The following SHPK variants were observed in gnomAD, a reference collection of about 807,000 sequenced individuals.
The protein encoded by SHPK is carbohydrate kinase-like protein.
Under a neutral mutation model 46.3 loss-of-function variants are expected in SHPK, and 51 were observed. That is an observed-to-expected ratio of 1.10 (90% CI 0.88 to 1.39). The LOEUF is 1.39. Among genes scored for constraint, SHPK ranks in the 40% most tolerant of loss-of-function variants. SHPK has a pLI of 0.00. For synonymous variants in SHPK, 290 were observed against 273.9 expected, an observed-to-expected ratio of 1.06 and a Z score of -0.58; for missense variants, 668 against 641.3, an observed-to-expected ratio of 1.04 and a Z score of -0.45.
intron 6 of SHPK, among the ~76,000 whole-genome samples, chr17:3,611,759 G>A (rs1036851385): frequency 6.7e-6 from 1 of 148,618 alleles, no homozygotes; most frequent in African/African-American, 2.5e-5. Context: ...CCAGAATCCC[G>A]ATCGGACTTT....
intron 5 of SHPK, among the ~76,000 whole-genome samples, chr17:3,617,880 C>T (rs1396806372): frequency 1.3e-5 from 2 of 152,212 alleles, no homozygotes; most frequent in African/African-American, 4.8e-5. Context: ...TTAACCAGAT[C>T]TGCTTTTTAA....
At chr17:3,632,973 T>TG (rs2075482147) in intron 1 of SHPK, among the ~76,000 whole-genome samples, 1 of 29,092 alleles carries the variant, frequency 3.4e-5, no homozygotes, top group African/African-American at 6.2e-5. Flanking sequence ...AGATATTACT[T>TG]TTTTTTTTTT....
chr17:3,623,788 C>T (rs1338529314), intron 3 of SHPK, among the ~76,000 whole-genome samples: 1 of 152,196 alleles, frequency 6.6e-6, no homozygotes, highest in African/African-American at 2.4e-5. Context: ...GCGAACTCTC[C>T]CCGTGACCCT....
intron 2 of SHPK, among the ~76,000 whole-genome samples, chr17:3,628,079 TC>T (rs2075448604): frequency 6.6e-6 from 1 of 151,840 alleles, no homozygotes; most frequent in Admixed American, 6.6e-5. Flanking sequence ...CAAATGCCAG[TC>T]CCACTGACAG....
chr17:3,612,040 G>A (rs893271984), intron 6 of SHPK, among the ~76,000 whole-genome samples: 1 of 151,468 alleles, frequency 6.6e-6, no homozygotes, highest in Non-Finnish European at 1.5e-5. Flanking sequence ...TCGACCTCAA[G>A]TGATCTACCT....
Position 3,623,525 on chromosome 17 carries a change from T to C in SHPK, c.495-34A>G, listed in dbSNP as rs144486865. 48 of 1,610,206 alleles carry C rather than the reference T, an allele frequency of 3.0e-5. No homozygotes were observed. The African/African-American group carries it at 6.1e-4, about 21-fold the overall frequency. On this transcript the variant is annotated intron_variant, in intron 3 of 6. Transcript: ENST00000225519. Reference sequence around the variant, plus strand: ...CATACCAAAAACAACCAACACGGTATAACATGAACTCGGAAGCATGTGCCG... The same window carrying C: ...CATACCAAAAACAACCAACACGGTACAACATGAACTCGGAAGCATGTGCCG...
At chr17:3,623,981 C>A (rs1403067421) in intron 3 of SHPK, 67 bp downstream of exon 3, 2 of 1,460,978 alleles carry the variant, frequency 1.4e-6, no homozygotes, top group Non-Finnish European at 9.4e-7. Flanking sequence ...GTGATGCTGA[C>A]GCAGCCCCGG....
intron 2 of SHPK, among the ~76,000 whole-genome samples, chr17:3,625,507 C>T (rs971616054): frequency 4.6e-5 from 7 of 152,160 alleles, no homozygotes; most frequent in Admixed American, 2.0e-4. Flanking sequence ...GCCGGCAGAC[C>T]GTTTCCAGGT....
At chr17:3,615,597 C>T in intron 5 of SHPK, 60 bp from the exon 6 acceptor site, 2 of 1,487,234 alleles carry the variant, frequency 1.3e-6, no homozygotes, top group Non-Finnish European at 1.9e-6. Flanking sequence ...TCACAAGTCA[C>T]AGTTTGGCAG....
chr17:3,623,469 C>T lies in SHPK; in HGVS notation c.517G>A (p.Asp173Asn), dbSNP rs770066616. The T allele has an allele frequency of 1.5e-5, 25 of 1,614,004 alleles. No individual in the cohort carries two copies. Among genetic ancestry groups the T allele is most frequent in the African/African-American group, 8.0e-5 (6 of 74,914 alleles). ...KYRPEFLKSY[D>N]AAGTIHDYVV... is the part of the protein sequence containing the mutation. ...TAGTCGTGGATGGTACCGGCTGCGTCGTAGGACTTCAGGAACTCTGGGCTG... is the reference window on the plus strand; with the variant it reads ...TAGTCGTGGATGGTACCGGCTGCGTTGTAGGACTTCAGGAACTCTGGGCTG... The change falls in exon 4 of 7, where the codon GAC becomes AAC. Residue 173 changes from aspartate to asparagine, a missense_variant. Transcript: ENST00000225519.
Position 3,636,185 on chromosome 17 carries a change from A to T in SHPK, c.35T>A (p.Leu12Gln). Reference sequence around the variant, plus strand: ...AGCTGCCTTCACAGATGTGGTGCCCAGGTCAATGCCGAGGGTGATCGGCCG... The same window carrying T: ...AGCTGCCTTCACAGATGTGGTGCCCTGGTCAATGCCGAGGGTGATCGGCCG... ...AARPITLGIDLGTTSVKAALL... is the reference protein window; with the variant it reads ...AARPITLGIDQGTTSVKAALL... Residue 12 changes from leucine to glutamine, a missense_variant, in exon 1 of 7, where the codon CTG becomes CAG. Coordinates refer to ENST00000225519, the MANE Select transcript of SHPK (RefSeq NM_013276.4). The T allele has an allele frequency of 6.2e-7, 1 of 1,610,118 alleles. No individual in the cohort carries two copies. The highest frequency in any genetic ancestry group is 2.2e-5 in the East Asian group (1 of 44,644).
At chr17:3,623,804 A>T (rs1453502847) in intron 3 of SHPK, among the ~76,000 whole-genome samples, 1 of 152,214 alleles carries the variant, frequency 6.6e-6, no homozygotes, top group East Asian at 1.9e-4. Context: ...ACCCTCGGCA[A>T]GTCACTTGCC....
rs180851246 is a variant in SHPK at position 3,621,366 on chromosome 17, C to A, written c.694G>T (p.Glu232Ter). 6.8e-6 allele frequency: 11 copies of A among 1,614,018 alleles called. No homozygotes were observed. Among genetic ancestry groups the A allele is most frequent in the Non-Finnish European group, 9.3e-6 (11 of 1,180,010 alleles). ...FPVHLLPDIA[E>*]PGSVAGRTSH... Reference sequence around the variant, plus strand: ...GTTCTGCCCGCCACACTGCCAGGCTCGGCGATGTCTGGGAGCAGGTGGACA... The same window carrying A: ...GTTCTGCCCGCCACACTGCCAGGCTAGGCGATGTCTGGGAGCAGGTGGACA... The change falls in exon 5 of 7, where the codon GAG becomes TAG. Residue 232 changes from glutamate to a stop codon, truncating the protein, a stop_gained. Coordinates refer to ENST00000225519, the MANE Select transcript of SHPK (RefSeq NM_013276.4). LOFTEE classifies it high-confidence loss of function.
At chr17:3,632,844 T>C (rs992730458) in intron 1 of SHPK, among the ~76,000 whole-genome samples, 8 of 152,134 alleles carry the variant, frequency 5.3e-5, no homozygotes, top group African/African-American at 1.4e-4. Context: ...CTCGAAAACC[T>C]TGTATTTTAA....
At chr17:3,630,720 C>T (rs145487686) in intron 1 of SHPK, among the ~76,000 whole-genome samples, 9 of 152,198 alleles carry the variant, frequency 5.9e-5, no homozygotes, top group African/African-American at 7.2e-5. Flanking sequence ...AAAAATTAGC[C>T]GGGTATGGTG....
At chr17:3,620,587 G>C (rs989529679) in intron 5 of SHPK, among the ~76,000 whole-genome samples, 2 of 147,358 alleles carry the variant, frequency 1.4e-5, no homozygotes, top group East Asian at 4.1e-4. Flanking sequence ...TTTTGAGATG[G>C]AGTCTCGCTC....
At chr17:3,632,225 C>T (rs150376245) in intron 1 of SHPK, among the ~76,000 whole-genome samples, 1 of 151,966 alleles carries the variant, frequency 6.6e-6, no homozygotes, top group Non-Finnish European at 1.5e-5. Flanking sequence ...AAAGTGCTGG[C>T]ATTACAGGCG....
chr17:3,622,994 C>T (rs761510605), intron 4 of SHPK, among the ~76,000 whole-genome samples: 39 of 152,308 alleles, frequency 2.6e-4, no homozygotes, highest in Non-Finnish European at 5.0e-4. Flanking sequence ...CATGAGCCAC[C>T]GCGCCTGGCT....
rs762696518 is a variant in SHPK at position 3,618,103 on chromosome 17, CTTTG to C, written c.824-2570_824-2567del. On this transcript the variant is annotated intron_variant, in intron 5 of 6. Coordinates refer to ENST00000225519, the MANE Select transcript of SHPK (RefSeq NM_013276.4). Reference sequence around the variant, plus strand: ...AAATCACTGCATCTTCAAATAAACTCTTTGTTTGTTTGTTTGTTTTTGAGACAGA... The same window carrying C: ...AAATCACTGCATCTTCAAATAAACTCTTTGTTTGTTTGTTTTTGAGACAGA... Among the ~76,000 whole-genome samples the C allele has an allele frequency of 1.5e-4, 23 of 152,192 alleles. No individual in the cohort carries two copies. In the East Asian group the frequency reaches 3.1e-3, roughly 20 times the overall value.
Sources: gnomAD v4.1 joint callset for allele counts (sites outside exome capture counted in the v4.1 genomes callset) on GRCh38, gnomAD v4.1.1 for gene constraint, MANE v1.5 for transcripts, NCBI Gene and HGNC (gene_info 2026-07-23, HGNC 2026-07-21) for gene names.